PLCB1: variants seen among roughly 807,000 people sequenced by gnomAD.
PLCB1 encodes phospholipase C beta 1, also known as 1-phosphatidylinositol 4,5-bisphosphate phosphodiesterase beta-1.
In PLCB1, 46 loss-of-function variants were observed where a neutral mutation model predicts 161.8. That is an observed-to-expected ratio of 0.28 (90% confidence interval 0.22 to 0.36). The LOEUF (loss-of-function observed/expected upper bound fraction) is 0.36. Among genes scored for constraint, PLCB1 ranks in the 10% least tolerant of loss-of-function variants. The probability of loss-of-function intolerance (pLI) is 1.00; values close to 1 mark genes in which losing one functional copy is unlikely to be tolerated. For missense variants in PLCB1, 1,016 were observed against 1,472.5 expected, an observed-to-expected ratio of 0.69 and a Z score of 5.07; for synonymous variants, 517 against 503.7, an observed-to-expected ratio of 1.03 and a Z score of -0.35.
intron 3 of PLCB1, among the ~76,000 whole-genome samples, chr20:8,608,088 G>A (rs1332762234): frequency 6.6e-6 from 1 of 151,998 alleles, no homozygotes; most frequent in Admixed American, 6.6e-5. Flanking sequence ...ATGTACTTGG[G>A]TGTGATTACA....
intron 2 of PLCB1, among the ~76,000 whole-genome samples, chr20:8,318,303 C>G (rs749994397): frequency 1.3e-5 from 2 of 152,228 alleles, no homozygotes; most frequent in Admixed American, 6.5e-5. Flanking sequence ...TAATTCCTAA[C>G]CTGATTTTCT....
In PLCB1 at chr20:8,219,875, A is replaced by G. The variant is rs190051758; in HGVS notation, c.177+69504A>G. ...ATATATTATTATTTATAAGTAGTAC[A>G]TGTGGCCCATTTAAACAACGTGAGG... is the stretch of plus-strand genomic sequence containing the variant. On this transcript the variant is annotated intron_variant, in intron 2 of 31. Coordinates refer to ENST00000338037, the MANE Select transcript of PLCB1 (RefSeq NM_015192.4). Among the ~76,000 whole-genome samples the G allele has an allele frequency of 4.4e-3, 665 of 152,286 alleles. 1 individual carries two copies. The highest frequency in any genetic ancestry group is 0.015 in the African/African-American group (624 of 41,564).
intron 3 of PLCB1, among the ~76,000 whole-genome samples, chr20:8,386,938 T>C (rs1011549770): frequency 1.3e-5 from 2 of 152,222 alleles, no homozygotes; most frequent in African/African-American, 4.8e-5. Context: ...TTTTGCAGCT[T>C]TCTAGCCTCT....
chr20:8,352,407 A>G (rs1348945585), intron 2 of PLCB1, among the ~76,000 whole-genome samples: 1 of 152,146 alleles, frequency 6.6e-6, no homozygotes, highest in Non-Finnish European at 1.5e-5. Flanking sequence ...AATGGTAGTT[A>G]CTATGCACGT....
chr20:8,224,858 G>T (rs1180930432), intron 2 of PLCB1, among the ~76,000 whole-genome samples: 2 of 151,990 alleles, frequency 1.3e-5, no homozygotes, highest in African/African-American at 4.8e-5. Context: ...AGTTTCGTCT[G>T]GTTTTGAACT....
chr20:8,657,212 C>T lies in PLCB1; in HGVS notation c.623C>T (p.Thr208Ile), dbSNP rs762549878. The T allele has an allele frequency of 6.2e-7, 1 of 1,608,432 alleles. No individual in the cohort carries two copies. Among genetic ancestry groups the T allele is most frequent in the South Asian group, 1.1e-5 (1 of 90,960 alleles). The change falls in exon 8 of 32, where the codon ACT (threonine) becomes ATT (isoleucine). Residue 208 changes from threonine (T) to isoleucine (I), a missense_variant. By Grantham distance (89) the Thr-to-Ile change is moderately conservative (BLOSUM62 -1). Transcript: ENST00000338037. ...RNDSIPQEDFTPEVYRVFLNN... is the reference protein window; with the variant it reads ...RNDSIPQEDFIPEVYRVFLNN... ...GATTCAATACCTCAAGAAGATTTCACTCCAGAAGTGTACAGAGTTTTCCTC... is the reference window on the plus strand; with the variant it reads ...GATTCAATACCTCAAGAAGATTTCATTCCAGAAGTGTACAGAGTTTTCCTC...
intron 3 of PLCB1, among the ~76,000 whole-genome samples, chr20:8,544,221 GA>G (rs1985447992): frequency 6.6e-6 from 1 of 152,118 alleles, no homozygotes; most frequent in Non-Finnish European, 1.5e-5. Flanking sequence ...CTGTTGCAAA[GA>G]GTATCAGTTG....
At chr20:8,213,419 G>C (rs918471729) in intron 2 of PLCB1, among the ~76,000 whole-genome samples, 5 of 152,094 alleles carry the variant, frequency 3.3e-5, no homozygotes, top group African/African-American at 1.2e-4. Context: ...AAGTAATGGG[G>C]GTAGGAAGTG....
intron 3 of PLCB1, among the ~76,000 whole-genome samples, chr20:8,416,641 GA>G (rs1979283771): frequency 6.6e-6 from 1 of 152,084 alleles, no homozygotes; most frequent in African/African-American, 2.4e-5. Flanking sequence ...AGATATTGAG[GA>G]GGAGGTATGT....
At chr20:8,643,314 C>T (rs1361706727) in intron 4 of PLCB1, among the ~76,000 whole-genome samples, 1 of 152,202 alleles carries the variant, frequency 6.6e-6, no homozygotes, top group African/African-American at 2.4e-5. Flanking sequence ...CACCTAAATG[C>T]TCTTTATCCT....
chr20:8,249,085 C>T (rs1288939962), intron 2 of PLCB1, among the ~76,000 whole-genome samples: 1 of 151,830 alleles, frequency 6.6e-6, no homozygotes, highest in Non-Finnish European at 1.5e-5. Flanking sequence ...AATCCTAAGA[C>T]TTGCATGGAT....
chr20:8,742,564 C>A (rs1228385300), intron 23 of PLCB1, among the ~76,000 whole-genome samples: 1 of 152,160 alleles, frequency 6.6e-6, no homozygotes, highest in African/African-American at 2.4e-5. Flanking sequence ...TCAGAGATAG[C>A]CACATTAAAT....
intron 3 of PLCB1, among the ~76,000 whole-genome samples, chr20:8,400,350 A>G (rs1978496801): frequency 3.9e-5 from 6 of 152,216 alleles, no homozygotes; most frequent in Admixed American, 3.9e-4. Flanking sequence ...TACCAGGCAC[A>G]TAATCACTCT....
chr20:8,396,854 T>G (rs1237684344), intron 3 of PLCB1, among the ~76,000 whole-genome samples: 5 of 152,088 alleles, frequency 3.3e-5, no homozygotes, highest in Non-Finnish European at 7.4e-5. Context: ...TATTTATCAG[T>G]TGTATAGCTG....
chr20:8,158,973 G>T (rs2051592677), intron 2 of PLCB1, among the ~76,000 whole-genome samples: 1 of 126,088 alleles, frequency 7.9e-6, no homozygotes, highest in Non-Finnish European at 1.8e-5. Context: ...TTTTCCAGGG[G>T]CATGGTGCAA....
intron 3 of PLCB1, among the ~76,000 whole-genome samples, chr20:8,584,469 CAT>C (rs1430370452): frequency 5.1e-5 from 7 of 136,476 alleles, no homozygotes; most frequent in East Asian, 2.1e-4. Flanking sequence ...AACACACACA[CAT>C]ACACACACAC....
At chr20:8,474,999 TCACA>T (rs377388138) in intron 3 of PLCB1, among the ~76,000 whole-genome samples, 76 of 141,654 alleles carry the variant, frequency 5.4e-4, no homozygotes, top group African/African-American at 1.8e-3. Context: ...AAAAACAAGA[TCACA>T]CACACAGACA....
chr20:8,495,756 C>T (rs1230971243), intron 3 of PLCB1, among the ~76,000 whole-genome samples: 1 of 152,098 alleles, frequency 6.6e-6, no homozygotes, highest in Admixed American at 6.5e-5. Context: ...CAATACCCAA[C>T]GTTTTTCCTA....
At chr20:8,636,510 A>T (rs965638583) in intron 4 of PLCB1, among the ~76,000 whole-genome samples, 8 of 152,250 alleles carry the variant, frequency 5.3e-5, no homozygotes, top group African/African-American at 1.9e-4. Flanking sequence ...TATCTGGAAC[A>T]TTTGTTTAAA....
Sources: gnomAD v4.1 joint callset for allele counts (sites outside exome capture counted in the v4.1 genomes callset) on GRCh38, gnomAD v4.1.1 for gene constraint, MANE v1.5 for transcripts, NCBI Gene and HGNC (gene_info 2026-07-23, HGNC 2026-07-21) for gene names.